Variants in FRMD3 observed in about 807,000 individuals in gnomAD.
The protein encoded by FRMD3 is FERM domain containing 3.
A neutral mutation model predicts 70.2 loss-of-function variants in FRMD3; 33 were observed. That is an observed-to-expected ratio of 0.47 (90% CI 0.36 to 0.63). FRMD3 has a LOEUF of 0.63. Ranked by LOEUF, FRMD3 falls within the 20% of genes least tolerant of loss-of-function variation. The pLI is 0.00. For synonymous variants in FRMD3, 279 were observed against 255.9 expected (o/e 1.09, Z -0.86); for missense variants, 632 against 711.4 (o/e 0.89, Z 1.27).
At chr9:83,312,169 T>C (rs909533443) in intron 7 of FRMD3, among the ~76,000 whole-genome samples, 194 bp from the exon 8 acceptor site, 5 of 152,198 alleles carry the variant, frequency 3.3e-5, no homozygotes, top group Non-Finnish European at 7.3e-5. Context: ...AGTTCAGGAA[T>C]ATGTAGCTTT....
intron 1 of FRMD3, among the ~76,000 whole-genome samples, chr9:83,507,297 G>T (rs1403065621): frequency 6.8e-6 from 1 of 146,472 alleles, no homozygotes; most frequent in African/African-American, 2.5e-5. Context: ...AACCTGGGAG[G>T]CAGAGGTTTC....
chr9:83,435,652 C>T (rs56408952), intron 1 of FRMD3, among the ~76,000 whole-genome samples: 3 of 151,766 alleles, frequency 2.0e-5, no homozygotes, highest in Non-Finnish European at 4.4e-5. Context: ...AATGAAAGAA[C>T]CTTTTGTTTT....
At chr9:83,323,499 T>C (rs1317800832) in intron 6 of FRMD3, among the ~76,000 whole-genome samples, 1 of 152,186 alleles carries the variant, frequency 6.6e-6, no homozygotes, top group Non-Finnish European at 1.5e-5. Flanking sequence ...AGGTGATTGA[T>C]TTCGTGAGGG....
At chr9:83,324,194 G>A (rs1191053699) in intron 6 of FRMD3, among the ~76,000 whole-genome samples, 4 of 152,176 alleles carry the variant, frequency 2.6e-5, no homozygotes, top group African/African-American at 4.8e-5. Flanking sequence ...AATGAGACAC[G>A]AGAATACAGT....
At chr9:83,284,051 C>G (rs1410940476) in intron 13 of FRMD3, among the ~76,000 whole-genome samples, 1 of 139,580 alleles carries the variant, frequency 7.2e-6, no homozygotes, top group Non-Finnish European at 1.5e-5. Context: ...AGGGGGCAAG[C>G]TAGGATGTTA....
chr9:83,459,794 C>T (rs1310163146), intron 1 of FRMD3, among the ~76,000 whole-genome samples: 2 of 152,252 alleles, frequency 1.3e-5, no homozygotes, highest in Admixed American at 6.5e-5. Context: ...GTGGCTCAAA[C>T]AGCAGAAATT....
chr9:83,290,504 C>G, intron 13 of FRMD3, 99 bp downstream of exon 13: 1 of 1,358,336 alleles, frequency 7.4e-7, no homozygotes, highest in Non-Finnish European at 1.1e-6. Flanking sequence ...CCACCCCATA[C>G]ACTAATCAAT....
intron 12 of FRMD3, among the ~76,000 whole-genome samples, chr9:83,294,269 G>C (rs1249663500): frequency 6.6e-6 from 1 of 152,196 alleles, no homozygotes; most frequent in African/African-American, 2.4e-5. Flanking sequence ...TGCTCAATCT[G>C]CTGGTGTCTT....
At chr9:83,391,439 G>A (rs1825662380) in intron 1 of FRMD3, among the ~76,000 whole-genome samples, 1 of 152,160 alleles carries the variant, frequency 6.6e-6, no homozygotes, top group African/African-American at 2.4e-5. Flanking sequence ...ATCATTTTAT[G>A]ATTGAATGGC....
intron 1 of FRMD3, among the ~76,000 whole-genome samples, chr9:83,417,366 A>G (rs1826487936): frequency 6.6e-6 from 1 of 152,170 alleles, no homozygotes; most frequent in Non-Finnish European, 1.5e-5. Flanking sequence ...ACTCACCTGT[A>G]TGTGTGTGTC....
chr9:83,318,492 T>C (rs1835668371), intron 6 of FRMD3, among the ~76,000 whole-genome samples: 1 of 152,064 alleles, frequency 6.6e-6, no homozygotes, highest in African/African-American at 2.4e-5. Context: ...TGTGTGTGTG[T>C]GTGTGTATAT....
chr9:83,338,912 T>C (rs1021668152), intron 5 of FRMD3, among the ~76,000 whole-genome samples: 1 of 152,142 alleles, frequency 6.6e-6, no homozygotes, highest in African/African-American at 2.4e-5. Flanking sequence ...ACATACACGC[T>C]TGTGCCCCTG....
At chr9:83,421,964 C>T (rs1826656695) in intron 1 of FRMD3, among the ~76,000 whole-genome samples, 1 of 152,206 alleles carries the variant, frequency 6.6e-6, no homozygotes, top group Non-Finnish European at 1.5e-5. Context: ...GTGGCTCACG[C>T]CTGTAATCCC....
chr9:83,527,330 A>C (rs1348897881), intron 1 of FRMD3, among the ~76,000 whole-genome samples: 1 of 152,196 alleles, frequency 6.6e-6, no homozygotes, highest in Non-Finnish European at 1.5e-5. Context: ...AGTCAAACAG[A>C]ATCATTCCAT....
intron 1 of FRMD3, among the ~76,000 whole-genome samples, chr9:83,498,833 C>T (rs1406276625): frequency 6.6e-6 from 1 of 152,122 alleles, no homozygotes; most frequent in East Asian, 1.9e-4. Context: ...TCTTTCCCAA[C>T]TAATATTATC....
Position 83,385,186 on chromosome 9 carries a change from TAA to T in FRMD3, c.252+4416_252+4417del, listed in dbSNP as rs11367534. ...AAGTGGTAAAAAGAATATACTGGAG[TAA>T]AAAAAAAAAAATCTAAACTTAAGCC... On this transcript the variant is annotated intron_variant, in intron 2 of 13. Coordinates refer to ENST00000304195, the MANE Select transcript of FRMD3 (RefSeq NM_174938.6). 1.2e-3 allele frequency among the ~76,000 whole-genome samples: 185 copies of T among 149,564 alleles called. 2 individuals carry two copies. Among genetic ancestry groups the T allele is most frequent in the Admixed American group, 5.3e-4 (8 of 14,976 alleles).
chr9:83,419,052 G>GT (rs1401470838), intron 1 of FRMD3, among the ~76,000 whole-genome samples: 4 of 152,002 alleles, frequency 2.6e-5, no homozygotes, highest in Non-Finnish European at 5.9e-5. Context: ...ATCAAAAACC[G>GT]TATGTTCTCA....
the FRMD3 span, among the ~76,000 whole-genome samples, chr9:83,560,238 T>C: frequency 6.6e-6 from 1 of 152,212 alleles, no homozygotes; most frequent in African/African-American, 2.4e-5. Context: ...CTGTTGATGT[T>C]GGACTTGGTA....
In FRMD3 at chr9:83,457,007, A is replaced by G. The variant is rs113258967; in HGVS notation, c.148-67299T>C. ...AAAAAAATTAATAAAAACAACGCAA[A>G]CTAAGAGATATAATAAGCTTAAAGA... On this transcript the variant is annotated intron_variant, in intron 1 of 13. Coordinates refer to ENST00000304195, the MANE Select transcript of FRMD3 (RefSeq NM_174938.6). Among the ~76,000 whole-genome samples, 1,071 of 152,228 alleles carry G rather than the reference A, an allele frequency of 7.0e-3. 12 individuals are homozygous for G. The highest frequency in any genetic ancestry group is 0.024 in the African/African-American group (1,008 of 41,530).
Sources: gnomAD v4.1 joint callset for allele counts (sites outside exome capture counted in the v4.1 genomes callset) on GRCh38, gnomAD v4.1.1 for gene constraint, MANE v1.5 for transcripts, NCBI Gene and HGNC (gene_info 2026-07-23, HGNC 2026-07-21) for gene names.